PTPRN2: variants seen among roughly 807,000 people sequenced by gnomAD.
PTPRN2 encodes receptor-type tyrosine-protein phosphatase N2.
In PTPRN2, 74 loss-of-function variants were observed where a neutral mutation model predicts 118.8. That is an observed-to-expected ratio of 0.62 (90% confidence interval 0.52 to 0.76). The LOEUF (loss-of-function observed/expected upper bound fraction) is 0.76, where lower values mean the gene tolerates loss of function less well. Among genes scored for constraint, PTPRN2 ranks in the 30% least tolerant of loss-of-function variants. The pLI is 0.00. For missense variants in PTPRN2, 1,481 were observed against 1,394.4 expected (o/e 1.06, Z -0.99); for synonymous variants, 641 against 608.0 (o/e 1.05, Z -0.80).
chr7:158,023,555 G>A (rs963786230), intron 11 of PTPRN2, among the ~76,000 whole-genome samples: 8 of 152,138 alleles, frequency 5.3e-5, no homozygotes, highest in South Asian at 2.1e-4. Context: ...GAGAAGAGCC[G>A]AGGAGCGAGT....
rs567492666 is a variant in PTPRN2, at chr7:157,560,833, G to A, written c.2902+8069C>T. Among the ~76,000 whole-genome samples the A allele has an allele frequency of 3.2e-4, 49 of 152,236 alleles. No homozygotes were observed. Among genetic ancestry groups the A allele is most frequent in the African/African-American group, 1.1e-3 (46 of 41,524 alleles). On this transcript the variant is annotated intron_variant, in intron 21 of 22. Transcript: ENST00000389418. The surrounding 1 kb of genome is among the most constrained non-coding windows in gnomAD (Gnocchi z 6.7). ...GAGGTCCCTTTCCCACTGGCCCTTC[G>A]TGTTTTCATGTTTCAGCCAAACATA... is the stretch of plus-strand genomic sequence containing the variant.
intron 2 of PTPRN2, among the ~76,000 whole-genome samples, chr7:158,392,410 C>T (rs535783861): frequency 3.9e-5 from 6 of 152,298 alleles, no homozygotes; most frequent in Admixed American, 1.3e-4. Flanking sequence ...TCAGCTCACA[C>T]GAGGAGAGGG....
intron 2 of PTPRN2, among the ~76,000 whole-genome samples, chr7:158,324,366 A>C (rs1230623300): frequency 2.0e-5 from 3 of 152,216 alleles, no homozygotes; most frequent in African/African-American, 7.2e-5. Flanking sequence ...TTTGTCTAAA[A>C]GAAAATGGAG....
chr7:157,757,835 G>A (rs541821289), intron 12 of PTPRN2, among the ~76,000 whole-genome samples: 1 of 152,346 alleles, frequency 6.6e-6, no homozygotes, highest in East Asian at 1.9e-4. Flanking sequence ...AGCCCCAGCT[G>A]CTGAACTTAA....
chr7:157,874,242 C>G lies in PTPRN2; in HGVS notation c.1788+24431G>C, dbSNP rs1052007290. 2.0e-5 allele frequency among the ~76,000 whole-genome samples: 3 copies of G among 152,186 alleles called. No individual in the cohort carries two copies. The highest frequency in any genetic ancestry group is 7.2e-5 in the African/African-American group (3 of 41,448). On this transcript the variant is annotated intron_variant, in intron 12 of 22. Coordinates refer to ENST00000389418, the MANE Select transcript of PTPRN2 (RefSeq NM_002847.5). This position sits in a 1 kb window ranked among gnomAD's most constrained non-coding sequence, Gnocchi z 5.8. ...CAACTGGGCAGGCTGCTCCCTTCAC[C>G]CCAACACTCCATGGCTCCCCATGGC...
At chr7:158,422,600 G>A (rs927007275) in intron 2 of PTPRN2, among the ~76,000 whole-genome samples, 9 of 152,224 alleles carry the variant, frequency 5.9e-5, no homozygotes, top group South Asian at 2.1e-4. Flanking sequence ...GCAGCTACAC[G>A]GGATGTCATA....
chr7:157,784,113 C>T lies in PTPRN2; in HGVS notation c.1789-101176G>A, dbSNP rs1803861814. Among the ~76,000 whole-genome samples the T allele has an allele frequency of 3.9e-5, 6 of 152,280 alleles. No homozygotes were observed. In the South Asian group the frequency reaches 1.2e-3, roughly 32 times the overall value. ...GAAGCTGGGATGGGTGTGTTTAGTT[C>T]TGCTTCCAGGGACTATTCCTAAATT... On this transcript the variant is annotated intron_variant, in intron 12 of 22. Coordinates refer to ENST00000389418, the MANE Select transcript of PTPRN2 (RefSeq NM_002847.5). This position sits in a 1 kb window ranked among gnomAD's most constrained non-coding sequence, Gnocchi z 4.6.
intron 2 of PTPRN2, among the ~76,000 whole-genome samples, chr7:158,411,928 A>G (rs1474123548): frequency 6.6e-6 from 1 of 152,024 alleles, no homozygotes; most frequent in South Asian, 2.1e-4. Context: ...GCGTGGGCCA[A>G]GAACACACCT....
At chr7:158,418,006 C>T in intron 2 of PTPRN2, among the ~76,000 whole-genome samples, 1 of 149,998 alleles carries the variant, frequency 6.7e-6, no homozygotes, top group East Asian at 2.0e-4. Context: ...CGGTGTACTA[C>T]ATCGAGATGC....
chr7:158,538,740 G>A (rs546823147), intron 1 of PTPRN2, among the ~76,000 whole-genome samples: 3 of 152,188 alleles, frequency 2.0e-5, no homozygotes, highest in African/African-American at 7.2e-5. Context: ...GCGGCACCAC[G>A]GGGCGGGAAG....
At chr7:158,265,535 T>C (rs766428189) in intron 3 of PTPRN2, among the ~76,000 whole-genome samples, 1 of 152,080 alleles carries the variant, frequency 6.6e-6, no homozygotes, top group African/African-American at 2.4e-5. Flanking sequence ...GTCCACCCTC[T>C]GCACAGCCCC....
At chr7:158,359,624 A>G (rs1808685582) in intron 2 of PTPRN2, among the ~76,000 whole-genome samples, 1 of 152,228 alleles carries the variant, frequency 6.6e-6, no homozygotes, top group Admixed American at 6.5e-5. Flanking sequence ...TAAAACCAAC[A>G]TGGGTCATCA....
chr7:157,645,520 C>G (rs1045664338), intron 14 of PTPRN2, among the ~76,000 whole-genome samples: 1 of 152,208 alleles, frequency 6.6e-6, no homozygotes, highest in African/African-American at 2.4e-5. Context: ...ACTCACATTT[C>G]ACATGGTCCG....
chr7:157,821,166 A>C (rs1219098379), intron 12 of PTPRN2, among the ~76,000 whole-genome samples: 1 of 152,242 alleles, frequency 6.6e-6, no homozygotes, highest in African/African-American at 2.4e-5. Flanking sequence ...CCTCTGCTGA[A>C]TGTAGGTGGA....
intron 5 of PTPRN2, among the ~76,000 whole-genome samples, chr7:158,175,444 C>G (rs1375898725): frequency 6.6e-6 from 1 of 152,126 alleles, no homozygotes; most frequent in African/African-American, 2.4e-5. Context: ...TTTATTTTCT[C>G]TGTCTCTCTC....
intron 21 of PTPRN2, among the ~76,000 whole-genome samples, chr7:157,567,600 G>A (rs976011208): frequency 2.0e-5 from 3 of 152,054 alleles, no homozygotes; most frequent in Admixed American, 6.5e-5. Context: ...GCTGGCATTC[G>A]TGGAAGTGTA....
chr7:158,043,608 A>G (rs2128891378), intron 11 of PTPRN2, among the ~76,000 whole-genome samples: 1 of 152,370 alleles, frequency 6.6e-6, no homozygotes, highest in East Asian at 1.9e-4. Flanking sequence ...AATGGGAAGG[A>G]GAAGGGCCTG....
chr7:158,073,802 A>C (rs1426250926), intron 11 of PTPRN2, among the ~76,000 whole-genome samples: 1 of 152,240 alleles, frequency 6.6e-6, no homozygotes, highest in African/African-American at 2.4e-5. Context: ...GAAAACAGGC[A>C]TGGCAGCCTC....
At chr7:157,992,329 A>C (rs1304086116) in intron 11 of PTPRN2, among the ~76,000 whole-genome samples, 2 of 152,220 alleles carry the variant, frequency 1.3e-5, no homozygotes, top group Non-Finnish European at 2.9e-5. Flanking sequence ...CATGGCCCCG[A>C]GTCTCTCGCT....
Sources: allele counts gnomAD v4.1 joint callset (sites outside exome capture counted in the v4.1 genomes callset), GRCh38; gene constraint gnomAD v4.1.1; non-coding constraint Gnocchi (gnomAD v3.1); transcripts MANE v1.5; gene names NCBI Gene and HGNC (gene_info 2026-07-23, HGNC 2026-07-21).